Variants in ZNF254 observed in about 807,000 individuals in gnomAD.
The protein encoded by ZNF254 is zinc finger protein 254.
In ZNF254, 10 loss-of-function variants were observed where a neutral mutation model predicts 12.4. That is an observed-to-expected ratio of 0.80 (90% CI 0.50 to 1.36). The LOEUF is 1.36. Ranked by LOEUF, ZNF254 falls within the 40% of genes most tolerant of loss-of-function variation. The pLI is 0.00. For missense variants in ZNF254, 996 were observed against 763.9 expected, an observed-to-expected ratio of 1.30 and a Z score of -3.58; for synonymous variants, 305 against 253.4, an observed-to-expected ratio of 1.20 and a Z score of -1.93.
chr19:24,092,645 T>C (rs1479881096), intron 1 of ZNF254, among the ~76,000 whole-genome samples: 1 of 152,090 alleles, frequency 6.6e-6, no homozygotes. Context: ...CCTCTCAGAG[T>C]GCTGGGATTA....
intron 2 of ZNF254, among the ~76,000 whole-genome samples, chr19:24,074,445 C>T (rs538523445): frequency 6.6e-6 from 1 of 152,318 alleles, no homozygotes; most frequent in African/African-American, 2.4e-5. Flanking sequence ...TGCTGTGACT[C>T]TTACTTGGGT....
At chr19:24,045,372 G>A (rs1240540690) in intron 1 of ZNF254, among the ~76,000 whole-genome samples, 2 of 152,010 alleles carry the variant, frequency 1.3e-5, no homozygotes, top group Non-Finnish European at 2.9e-5. Flanking sequence ...GTAGACTGAG[G>A]TATAAAAGGA....
At chr19:24,049,214 A>ATATATATATT (rs1160333151) in intron 2 of ZNF254, among the ~76,000 whole-genome samples, 15 of 40,840 alleles carry the variant, frequency 3.7e-4, no homozygotes, top group South Asian at 1.7e-3. Context: ...ATATATATAT[A>ATATATATATT]TTTTTTTTTT....
chr19:24,126,491 ATAAATTTT>A lies in ZNF254; in HGVS notation c.498_505del (p.Leu167LysfsTer4), dbSNP rs1568476244. ...TGTGATAAATATTTGAAAGTCTTCT[ATAAATTTT>A]TAAATTCAAACAGACCTAAGATAAG... On this transcript the variant is annotated frameshift_variant, in exon 4 of 4. Transcript: ENST00000357002. LOFTEE classifies it low-confidence loss of function (END_TRUNC). 3.2e-6 allele frequency: 5 copies of A among 1,587,204 alleles called. No homozygotes were observed. The highest frequency in any genetic ancestry group is 4.3e-6 in the Non-Finnish European group (5 of 1,171,824).
chr19:24,067,534 C>T (rs1971321392), intron 2 of ZNF254, among the ~76,000 whole-genome samples: 1 of 151,906 alleles, frequency 6.6e-6, no homozygotes. Flanking sequence ...GGGCCCAGCT[C>T]CTACGTTATC....
Position 24,062,113 on chromosome 19 carries a change from AAGG to A in ZNF254, c.-94+15837_-94+15839del, listed in dbSNP as rs1356177023. 7.3e-5 allele frequency among the ~76,000 whole-genome samples: 11 copies of A among 150,240 alleles called. 1 individual carries two copies. The highest frequency in any genetic ancestry group is 1.5e-4 in the African/African-American group (6 of 40,960). ...AAAAAAAAAAAAAAAGAAAAAGAAA[AAGG>A]AGTAAAATCCTGGTGGTCTCTCTGT... On this transcript the variant is annotated intron_variant, in intron 2 of 4. Coordinates refer to the ZNF254 transcript ENST00000613065.
At chr19:24,117,192 G>A (rs1405383657) in intron 3 of ZNF254, among the ~76,000 whole-genome samples, 1 of 152,150 alleles carries the variant, frequency 6.6e-6, no homozygotes, top group African/African-American at 2.4e-5. Context: ...CAGATCTCCA[G>A]CTGTGTGTTG....
In ZNF254 at chr19:24,124,976, G is replaced by A. The variant is rs186793646; in HGVS notation, c.254-1278G>A. On this transcript the variant is annotated intron_variant, in intron 3 of 3. Transcript: ENST00000357002. ...ATTTTTATAGTTTTAGTAGAGACGGGGTTTTGCCATGTTGGTCAGGTTGGT... is the reference window on the plus strand; with the variant it reads ...ATTTTTATAGTTTTAGTAGAGACGGAGTTTTGCCATGTTGGTCAGGTTGGT... Among the ~76,000 whole-genome samples the A allele has an allele frequency of 1.5e-3, 221 of 151,902 alleles. 2 individuals are homozygous for A. Among genetic ancestry groups the A allele is most frequent in the Middle Eastern group, 6.8e-3 (2 of 294 alleles).
In ZNF254 at chr19:24,127,213, C is replaced by G. The variant is rs1307498448; in HGVS notation, c.1213C>G (p.Leu405Val). The G allele has an allele frequency of 1.2e-6, 2 of 1,613,002 alleles. No individual in the cohort carries two copies. Among genetic ancestry groups the G allele is most frequent in the Admixed American group, 1.7e-5 (1 of 59,816 alleles). The change falls in exon 4 of 4, where the codon CTC becomes GTC. Residue 405 changes from leucine (L) to valine (V), a missense_variant. Transcript: ENST00000357002. ...TAAAATAATTCATGTTGGAGAGAAACTCTACAAATGTGAAGAATGCGGCAA... is the reference window on the plus strand; with the variant it reads ...TAAAATAATTCATGTTGGAGAGAAAGTCTACAAATGTGAAGAATGCGGCAA... The part of the protein sequence containing the change: ...THKIIHVGEK[L>V]YKCEECGKGF...
At chr19:24,064,842 A>T (rs1004288565) in intron 2 of ZNF254, among the ~76,000 whole-genome samples, 4 of 152,156 alleles carry the variant, frequency 2.6e-5, no homozygotes, top group African/African-American at 9.7e-5. Flanking sequence ...CATGTATTTC[A>T]ACATGTCTCT....
In ZNF254 at chr19:24,128,897, G is replaced by T. The variant is rs1185721652; in HGVS notation, c.*917G>T. On this transcript the variant is annotated 3_prime_UTR_variant, in exon 4 of 4. Transcript: ENST00000357002. The stretch of plus-strand genomic sequence containing the variant: ...AATTACATTCAAAGTACTTTTTTTT[G>T]AAAATACAGATTTTTTTTAAAAGTG... The T allele has an allele frequency of 2.0e-5, 3 of 151,606 alleles. No homozygotes were observed. The highest frequency in any genetic ancestry group is 2.9e-5 in the Non-Finnish European group (2 of 67,802). 9.4% of individuals were successfully genotyped at this position (151,606 alleles called of 1,614,324 possible). A position where few individuals can be genotyped will look rare whatever the true frequency, so the allele number is the denominator to read the frequency against.
intron 2 of ZNF254, chr19:24,065,923 A>G (rs1285614305): frequency 1.3e-5 from 2 of 151,876 alleles, no homozygotes; most frequent in East Asian, 3.9e-4. Context: ...GCCCATCATC[A>G]TGGTAATGTT....
intron 1 of ZNF254, among the ~76,000 whole-genome samples, chr19:24,095,373 T>G (rs1053383394): frequency 1.3e-5 from 2 of 152,198 alleles, no homozygotes; most frequent in African/African-American, 2.4e-5. Flanking sequence ...TGCCAGGTTT[T>G]GGTATCAGAA....
upstream of ZNF254, among the ~76,000 whole-genome samples, chr19:24,082,820 T>G (rs1327685749): frequency 1.3e-5 from 2 of 151,456 alleles, no homozygotes; most frequent in African/African-American, 2.4e-5. Context: ...TCTCTTCAAT[T>G]TTTTTTTAAA....
In ZNF254 at chr19:24,127,848, C is replaced by T. The variant is rs771292938; in HGVS notation, c.1848C>T (p.Thr616=). The T allele has an allele frequency of 2.9e-5, 46 of 1,613,080 alleles. No individual in the cohort carries two copies. Among genetic ancestry groups the T allele is most frequent in the South Asian group, 2.1e-4 (19 of 91,046 alleles). The change falls in exon 4 of 4, where the codon ACC becomes ACT. Residue 616 remains threonine, a synonymous_variant. Transcript: ENST00000357002. The part of the protein sequence containing the change: ...ECGKAFFWSS[T]LTKHKRIHTG... ...GCAAAGCATTTTTCTGGTCCTCAAC[C>T]CTAACTAAACATAAGAGAATTCATA...
upstream of ZNF254, among the ~76,000 whole-genome samples, chr19:24,086,500 G>A (rs1247816680): frequency 2.7e-5 from 4 of 149,900 alleles, no homozygotes; most frequent in African/African-American, 9.8e-5. Context: ...TTTTTGAGAC[G>A]GAATTTTACT....
intron 3 of ZNF254, among the ~76,000 whole-genome samples, chr19:24,120,839 T>G (rs1335804907): frequency 6.6e-6 from 1 of 151,990 alleles, no homozygotes; most frequent in Non-Finnish European, 1.5e-5. Flanking sequence ...ATTTTGTTTT[T>G]TTTGTGTATT....
intron 3 of ZNF254, among the ~76,000 whole-genome samples, chr19:24,121,569 T>G (rs1974486425): frequency 6.6e-6 from 1 of 152,208 alleles, no homozygotes; most frequent in African/African-American, 2.4e-5. Context: ...TTTAAATTTT[T>G]TTTTTGAGAC....
upstream of ZNF254, among the ~76,000 whole-genome samples, chr19:24,086,503 A>C (rs886385434): frequency 1.0e-4 from 15 of 150,664 alleles, no homozygotes; most frequent in African/African-American, 3.4e-4. Flanking sequence ...TTGAGACGGA[A>C]TTTTACTCTT....
Sources: gnomAD v4.1 joint callset for allele counts (sites outside exome capture counted in the v4.1 genomes callset) on GRCh38, gnomAD v4.1.1 for gene constraint, MANE v1.5 for transcripts, NCBI Gene and HGNC (gene_info 2026-07-23, HGNC 2026-07-21) for gene names.